LHFPL6: variants seen among roughly 807,000 people sequenced by gnomAD.
LHFPL6 encodes the protein LHFPL tetraspan subfamily member 6, also known as LHFPL tetraspan subfamily member 6 protein.
In LHFPL6, 9 loss-of-function variants were observed where a neutral mutation model predicts 20.6. That is an observed-to-expected ratio of 0.44 (90% CI 0.26 to 0.76). The LOEUF (loss-of-function observed/expected upper bound fraction) is 0.76, where lower values mean the gene tolerates loss of function less well. Among genes scored for constraint, LHFPL6 ranks in the 30% least tolerant of loss-of-function variants. The pLI, the probability that LHFPL6 is intolerant of heterozygous loss-of-function variation, is 0.20. For missense variants in LHFPL6, 218 were observed against 253.5 expected (o/e 0.86, Z 0.95); for synonymous variants, 105 against 98.7 (o/e 1.06, Z -0.38).
intron 2 of LHFPL6, among the ~76,000 whole-genome samples, chr13:39,509,900 T>A (rs1190825177): frequency 6.6e-6 from 1 of 152,180 alleles, no homozygotes; most frequent in East Asian, 1.9e-4. Flanking sequence ...TGACTGTGCC[T>A]CTGCACTCCA....
chr13:39,374,562 C>T (rs1870241262), intron 3 of LHFPL6, among the ~76,000 whole-genome samples: 2 of 151,910 alleles, frequency 1.3e-5, no homozygotes. Context: ...AAAAAAAGTT[C>T]TATTGGGGCC....
chr13:39,550,804 G>A (rs1178215872), intron 2 of LHFPL6, among the ~76,000 whole-genome samples: 2 of 152,092 alleles, frequency 1.3e-5, no homozygotes, highest in African/African-American at 4.8e-5. Flanking sequence ...GCCTAATTAA[G>A]AGAAACATTC....
intron 2 of LHFPL6, among the ~76,000 whole-genome samples, chr13:39,400,212 G>T (rs1870950172): frequency 6.6e-6 from 1 of 152,208 alleles, no homozygotes. Flanking sequence ...GCAATAATGT[G>T]CACCTCAGCA....
intron 2 of LHFPL6, among the ~76,000 whole-genome samples, chr13:39,569,538 A>G (rs1871847030): frequency 6.6e-6 from 1 of 152,224 alleles, no homozygotes; most frequent in South Asian, 2.1e-4. Flanking sequence ...CTCAAGAAAA[A>G]GTAGATTACC....
At chr13:39,510,052 A>G (rs567758894) in intron 2 of LHFPL6, among the ~76,000 whole-genome samples, 1 of 152,374 alleles carries the variant, frequency 6.6e-6, no homozygotes, top group African/African-American at 2.4e-5. Flanking sequence ...ACGGTGCTCA[A>G]AGAGAATCCT....
chr13:39,602,448 A>G (rs1040889889), intron 1 of LHFPL6, among the ~76,000 whole-genome samples: 2 of 152,068 alleles, frequency 1.3e-5, no homozygotes, highest in African/African-American at 4.8e-5. Flanking sequence ...TGTCAACTGC[A>G]GTCAGGGCTG....
chr13:39,442,015 G>T (rs1302694056), intron 2 of LHFPL6, among the ~76,000 whole-genome samples: 1 of 151,658 alleles, frequency 6.6e-6, no homozygotes, highest in Non-Finnish European at 1.5e-5. Context: ...TTTTAGTAGA[G>T]ACAGGGTTTT....
chr13:39,573,490 A>C (rs1301259827), intron 2 of LHFPL6, among the ~76,000 whole-genome samples: 1 of 152,206 alleles, frequency 6.6e-6, no homozygotes, highest in East Asian at 1.9e-4. Context: ...AATAGATTAA[A>C]ATTTATGAAT....
intron 2 of LHFPL6, among the ~76,000 whole-genome samples, chr13:39,506,131 T>C (rs1869470617): frequency 6.6e-6 from 1 of 152,226 alleles, no homozygotes; most frequent in African/African-American, 2.4e-5. Context: ...CTATGATCTT[T>C]TACATTACTT....
intron 2 of LHFPL6, among the ~76,000 whole-genome samples, chr13:39,383,699 G>A (rs1014439439): frequency 6.6e-6 from 1 of 152,164 alleles, no homozygotes. Flanking sequence ...TAGGGCTAGA[G>A]GTCAGGAAAC....
intron 2 of LHFPL6, among the ~76,000 whole-genome samples, chr13:39,411,262 T>A (rs964612820): frequency 6.6e-6 from 1 of 152,142 alleles, no homozygotes; most frequent in African/African-American, 2.4e-5. Context: ...CACACCAACC[T>A]GAGAAGTTTT....
chr13:39,361,197 C>T (rs1363571733), intron 3 of LHFPL6, among the ~76,000 whole-genome samples: 2 of 97,856 alleles, frequency 2.0e-5, no homozygotes, highest in African/African-American at 3.0e-5. Flanking sequence ...TTATTACTAA[C>T]GCCGTCACTA....
chr13:39,585,735 A>C (rs1227567987), intron 2 of LHFPL6, among the ~76,000 whole-genome samples: 1 of 152,172 alleles, frequency 6.6e-6, no homozygotes, highest in Non-Finnish European at 1.5e-5. Flanking sequence ...CTGTTTGCCC[A>C]ATGGGACTCT....
At position 39,424,703 on chromosome 13, in the gene LHFPL6, G is replaced by A. The variant is rs78701388; in HGVS notation, c.386-46177C>T. Among the ~76,000 whole-genome samples the A allele has an allele frequency of 1.6e-4, 24 of 152,108 alleles. 1 individual carries two copies. The highest frequency in any genetic ancestry group is 6.8e-3 in the Middle Eastern group (2 of 294). On this transcript the variant is annotated intron_variant, in intron 2 of 3. Transcript: ENST00000379589. ...TTTTTCAAAATGAGGAAAATGTACT[G>A]GTATAATTTCAGAGATCTGGAATCT...
chr13:39,583,700 C>A (rs191869906), intron 2 of LHFPL6, among the ~76,000 whole-genome samples: 1 of 152,190 alleles, frequency 6.6e-6, no homozygotes, highest in East Asian at 1.9e-4. Context: ...CCTAAATGAA[C>A]AAATTTCTCA....
In LHFPL6 at chr13:39,422,518, G is replaced by A. The variant is rs138147366; in HGVS notation, c.386-43992C>T. Among the ~76,000 whole-genome samples the A allele has an allele frequency of 3.3e-3, 504 of 150,458 alleles. 3 individuals carry two copies. Among genetic ancestry groups the A allele is most frequent in the African/African-American group, 0.012 (479 of 40,982 alleles). ...GGAGAATTGCTTGAACCTAGGAGGC[G>A]GCAGTTGCAGTGAGCTGAGATGGTG... On this transcript the variant is annotated intron_variant, in intron 2 of 3. Transcript: ENST00000379589.
intron 2 of LHFPL6, among the ~76,000 whole-genome samples, chr13:39,396,188 CAG>C (rs1007882841): frequency 6.6e-6 from 1 of 152,036 alleles, no homozygotes; most frequent in Non-Finnish European, 1.5e-5. Flanking sequence ...GGATGCAGAG[CAG>C]AGATGTTGCC....
chr13:39,589,753 C>T (rs1354075751), intron 2 of LHFPL6, among the ~76,000 whole-genome samples: 1 of 152,142 alleles, frequency 6.6e-6, no homozygotes, highest in Non-Finnish European at 1.5e-5. Flanking sequence ...TGGGTGTCTA[C>T]ACTAGAAAAT....
At chr13:39,524,449 A>C (rs1273100015) in intron 2 of LHFPL6, among the ~76,000 whole-genome samples, 2 of 152,188 alleles carry the variant, frequency 1.3e-5, no homozygotes, top group African/African-American at 4.8e-5. Flanking sequence ...CTATCACATA[A>C]CTTGCAGGAA....
Sources: allele counts gnomAD v4.1 joint callset (sites outside exome capture counted in the v4.1 genomes callset), GRCh38; gene constraint gnomAD v4.1.1; transcripts MANE v1.5; gene names NCBI Gene and HGNC (gene_info 2026-07-23, HGNC 2026-07-21).